The following PPP3CB variants were observed in gnomAD, a reference collection of about 807,000 sequenced individuals.
PPP3CB encodes the protein protein phosphatase 3 catalytic subunit beta, also known as serine/threonine-protein phosphatase 2B catalytic subunit beta isoform.
PPP3CB carries 8 observed loss-of-function variants against 66.4 expected under a neutral mutation model. The observed-to-expected ratio is 0.12, with a 90% CI of 0.07 to 0.22. PPP3CB has a LOEUF of 0.22. PPP3CB is among the 10% of genes least tolerant of loss of function. The probability of loss-of-function intolerance (pLI) is 1.00; values close to 1 mark genes in which losing one functional copy is unlikely to be tolerated. For missense variants in PPP3CB, 319 were observed against 642.5 expected (o/e 0.50, Z 5.44); for synonymous variants, 208 against 221.2 (o/e 0.94, Z 0.53).
At chr10:73,443,550 G>C (rs77267541) in intron 12 of PPP3CB, among the ~76,000 whole-genome samples, 10,513 of 152,164 alleles carry the variant, frequency 0.069, 610 homozygotes, top group East Asian at 0.3. Context: ...ATGACCCTTA[G>C]AGGGCTGTCA....
chr10:73,471,672 A>G, intron 4 of PPP3CB, 59 bp from the exon 5 acceptor site: 1 of 1,322,090 alleles, frequency 7.6e-7, no homozygotes, highest in Non-Finnish European at 1.0e-6. Context: ...GACCATTTTA[A>G]AAACATATAT....
At chr10:73,466,372 T>G (rs979859356) in intron 9 of PPP3CB, among the ~76,000 whole-genome samples, 1 of 152,206 alleles carries the variant, frequency 6.6e-6, no homozygotes, top group African/African-American at 2.4e-5. Flanking sequence ...TCCTCCTACC[T>G]TATCTTCCTG....
chr10:73,454,567 A>G, intron 9 of PPP3CB, 78 bp from the exon 10 acceptor site: 1 of 913,114 alleles, frequency 1.1e-6, no homozygotes, highest in Non-Finnish European at 1.7e-6. Context: ...TATTTTTACA[A>G]ATGGTCAAAT....
At chr10:73,446,130 A>T (rs2056247682) in intron 11 of PPP3CB, among the ~76,000 whole-genome samples, 1 of 145,140 alleles carries the variant, frequency 6.9e-6, no homozygotes, top group Non-Finnish European at 1.5e-5. Context: ...TTTTAGACAG[A>T]GCCTTGCTCA....
intron 1 of PPP3CB, among the ~76,000 whole-genome samples, chr10:73,492,512 G>C (rs747463127): frequency 6.6e-6 from 1 of 152,232 alleles, no homozygotes; most frequent in African/African-American, 2.4e-5. Flanking sequence ...ACCTATACCA[G>C]CTTTGCTGAT....
intron 12 of PPP3CB, 51 bp downstream of exon 12, chr10:73,444,674 G>A (rs772613896): frequency 3.1e-6 from 5 of 1,611,692 alleles, no homozygotes; most frequent in Admixed American, 1.7e-5. Flanking sequence ...GCAAAAGAGT[G>A]AGGTGTGCCC....
At chr10:73,487,039 G>A (rs569669221) in intron 1 of PPP3CB, among the ~76,000 whole-genome samples, 7 of 152,062 alleles carry the variant, frequency 4.6e-5, no homozygotes, top group African/African-American at 1.2e-4. Flanking sequence ...GCATGGTGTC[G>A]GGCTCCTATA....
chr10:73,445,475 C>A (rs1243342415), intron 11 of PPP3CB, among the ~76,000 whole-genome samples: 1 of 152,226 alleles, frequency 6.6e-6, no homozygotes, highest in East Asian at 1.9e-4. Flanking sequence ...GAGACAAGGT[C>A]TCACTCCGTC....
At chr10:73,469,360 T>C (rs1486388213) in intron 8 of PPP3CB, among the ~76,000 whole-genome samples, 1 of 152,136 alleles carries the variant, frequency 6.6e-6, no homozygotes, top group Non-Finnish European at 1.5e-5. Context: ...CTGGTGAACA[T>C]GGTGAAACCT....
intron 1 of PPP3CB, among the ~76,000 whole-genome samples, chr10:73,485,732 C>T (rs1470037240): frequency 6.6e-6 from 1 of 152,202 alleles, no homozygotes; most frequent in Middle Eastern, 3.4e-3. Flanking sequence ...ACAAACCCTA[C>T]ACACAATCTC....
At chr10:73,463,656 CTT>C (rs1171835278) in intron 9 of PPP3CB, among the ~76,000 whole-genome samples, 4 of 152,170 alleles carry the variant, frequency 2.6e-5, no homozygotes, top group African/African-American at 9.7e-5. Flanking sequence ...CCTCCTTTCT[CTT>C]TTGAGACGGA....
intron 1 of PPP3CB, among the ~76,000 whole-genome samples, chr10:73,483,213 A>G (rs2056912195): frequency 1.3e-5 from 2 of 152,238 alleles, no homozygotes; most frequent in Admixed American, 6.5e-5. Flanking sequence ...GCACACTTCT[A>G]CATTTCAAAA....
chr10:73,488,320 C>G (rs2057020189), intron 1 of PPP3CB, among the ~76,000 whole-genome samples: 2 of 152,052 alleles, frequency 1.3e-5, no homozygotes, highest in Admixed American at 1.3e-4. Context: ...CAAGGCAGGA[C>G]AGTCACTGGA....
chr10:73,482,687 G>A (rs1042774405), intron 1 of PPP3CB, among the ~76,000 whole-genome samples: 3 of 150,566 alleles, frequency 2.0e-5, no homozygotes, highest in Non-Finnish European at 4.4e-5. Context: ...GCGAGATCTC[G>A]GCTCACTACA....
chr10:73,469,267 G>A (rs2056666522), intron 8 of PPP3CB, among the ~76,000 whole-genome samples: 2 of 152,206 alleles, frequency 1.3e-5, no homozygotes, highest in South Asian at 4.1e-4. Flanking sequence ...CAGGGCAGGG[G>A]CGCAGTGGCT....
At chr10:73,446,026 C>T (rs1266697996) in intron 11 of PPP3CB, among the ~76,000 whole-genome samples, 15 of 151,800 alleles carry the variant, frequency 9.9e-5, no homozygotes, top group Admixed American at 9.8e-4. Flanking sequence ...GGATTACAGG[C>T]GTGAGCCACC....
At chr10:73,452,969 T>A (rs1030009424) in intron 10 of PPP3CB, among the ~76,000 whole-genome samples, 1 of 152,182 alleles carries the variant, frequency 6.6e-6, no homozygotes, top group Non-Finnish European at 1.5e-5. Flanking sequence ...TCATTCAGAT[T>A]TTACTCGAAA....
chr10:73,441,261 C>T (rs1052688142), intron 12 of PPP3CB, among the ~76,000 whole-genome samples: 1 of 152,088 alleles, frequency 6.6e-6, no homozygotes, highest in Admixed American at 6.6e-5. Flanking sequence ...AGAATTAGGA[C>T]GAACACTGAA....
At chr10:73,485,816 C>T (rs923860921) in intron 1 of PPP3CB, among the ~76,000 whole-genome samples, 5 of 152,090 alleles carry the variant, frequency 3.3e-5, no homozygotes, top group African/African-American at 1.2e-4. Flanking sequence ...TCTCAGCTCA[C>T]TGAAACCCCC....
Sources: allele counts gnomAD v4.1 joint callset (sites outside exome capture counted in the v4.1 genomes callset), GRCh38; gene constraint gnomAD v4.1.1; transcripts MANE v1.5; gene names NCBI Gene and HGNC (gene_info 2026-07-23, HGNC 2026-07-21).